The following DLG1 variants were observed in gnomAD, a reference collection of about 807,000 sequenced individuals.
The protein encoded by DLG1 is disks large homolog 1.
In DLG1, 42 loss-of-function variants were observed where a neutral mutation model predicts 123.4. The ratio of observed to expected loss-of-function variants is 0.34; its 90% CI spans 0.27 to 0.44. The LOEUF is 0.44. DLG1 is among the 20% of genes least tolerant of loss of function. The probability of loss-of-function intolerance (pLI) is 1.00; values close to 1 mark genes in which losing one functional copy is unlikely to be tolerated. For synonymous variants in DLG1, 317 were observed against 356.2 expected (o/e 0.89, Z 1.24); for missense variants, 942 against 1,082.6 (o/e 0.87, Z 1.82).
chr3:197,133,105 C>A, intron 10 of DLG1, among the ~76,000 whole-genome samples: 1 of 152,290 alleles, frequency 6.6e-6, no homozygotes, highest in Middle Eastern at 3.4e-3. Context: ...GGTATTCACA[C>A]CCTTGTAAAA....
chr3:197,104,871 G>A (rs545699715), intron 14 of DLG1, 32 bp downstream of exon 14: 3 of 1,404,184 alleles, frequency 2.1e-6, no homozygotes, highest in Non-Finnish European at 3.0e-6. Context: ...ACTAAAATAA[G>A]CAATAACTAT....
At chr3:197,094,749 T>C (rs1238329438) in intron 14 of DLG1, among the ~76,000 whole-genome samples, 1 of 152,220 alleles carries the variant, frequency 6.6e-6, no homozygotes, top group African/African-American at 2.4e-5. Flanking sequence ...ACACTATCAC[T>C]CTATTTGTTG....
chr3:197,278,065 A>G (rs562347536), intron 4 of DLG1, among the ~76,000 whole-genome samples: 2 of 152,038 alleles, frequency 1.3e-5, no homozygotes, highest in African/African-American at 4.8e-5. Flanking sequence ...CAGGTGGATC[A>G]CCTGAGGTCA....
At chr3:197,276,011 A>G (rs1347607019) in intron 4 of DLG1, among the ~76,000 whole-genome samples, 2 of 152,236 alleles carry the variant, frequency 1.3e-5, no homozygotes, top group Non-Finnish European at 1.5e-5. Flanking sequence ...ATAATTATTT[A>G]TCAATTTTAA....
chr3:197,244,064 G>C (rs1750345441), intron 4 of DLG1, among the ~76,000 whole-genome samples: 1 of 152,188 alleles, frequency 6.6e-6, no homozygotes, highest in Non-Finnish European at 1.5e-5. Flanking sequence ...GGATGAATAA[G>C]GGGAGACTGA....
intron 4 of DLG1, among the ~76,000 whole-genome samples, chr3:197,220,182 G>C (rs1578241522): frequency 6.6e-6 from 1 of 152,070 alleles, no homozygotes; most frequent in South Asian, 2.1e-4. Flanking sequence ...CTGAGAGAAT[G>C]AATCAATGAA....
At chr3:197,137,335 T>A (rs1785528322) in intron 9 of DLG1, among the ~76,000 whole-genome samples, 1 of 152,248 alleles carries the variant, frequency 6.6e-6, no homozygotes, top group Non-Finnish European at 1.5e-5. Context: ...CAGATGTAAC[T>A]GCTCATAATA....
intron 12 of DLG1, among the ~76,000 whole-genome samples, chr3:197,116,441 T>C (rs965247712): frequency 6.6e-6 from 1 of 152,138 alleles, no homozygotes; most frequent in Non-Finnish European, 1.5e-5. Flanking sequence ...TGCCCCTACT[T>C]AGAAGTTTAA....
chr3:197,154,622 C>T (rs1795509988), intron 5 of DLG1, among the ~76,000 whole-genome samples: 1 of 151,986 alleles, frequency 6.6e-6, no homozygotes, highest in Admixed American at 6.6e-5. Context: ...TTGCAGTCAG[C>T]CGAGATGGCA....
chr3:197,247,046 GTTAT>G (rs1752071079), intron 4 of DLG1, among the ~76,000 whole-genome samples: 2 of 152,194 alleles, frequency 1.3e-5, no homozygotes, highest in Admixed American at 6.5e-5. Flanking sequence ...TCCCATAGGG[GTTAT>G]TTAATAATGA....
chr3:197,185,426 ACAGAGATTATAC>A (rs1268502151), intron 5 of DLG1, among the ~76,000 whole-genome samples: 1 of 152,218 alleles, frequency 6.6e-6, no homozygotes, highest in African/African-American at 2.4e-5. Context: ...ATATTTTGTG[ACAGAGATTATAC>A]CAGAAAGTTT....
rs769502806 is a variant in DLG1, at chr3:197,090,942, C to T, written c.1631G>A (p.Arg544Gln). 39 of 1,610,496 alleles carry T rather than the reference C, an allele frequency of 2.4e-5. No homozygotes were observed. The highest frequency in any genetic ancestry group is 8.3e-5 in the Admixed American group (5 of 59,974). ...ATAGAGGGATCGCTTCTGGCTAGTT[C>T]GAAGAGAACCTGACCCTGAACTAAT... ...SSISSGSGSL[R>Q]TSQKRSLYVR... Residue 544 changes from arginine (R) to glutamine (Q), a missense_variant, in exon 15 of 25, where the codon CGA becomes CAA. Coordinates refer to ENST00000667157, the MANE Select transcript of DLG1 (RefSeq NM_001366207.1).
rs372542445 is a variant in DLG1, at chr3:197,103,719, T to G, written c.1546+1184A>C. ...CCAAGCAATGCTCAACATGCTGCTT[T>G]GATCAGCTAAAAAACATACTAGATT... On this transcript the variant is annotated intron_variant, in intron 14 of 24. Transcript: ENST00000667157. Among the ~76,000 whole-genome samples, 19 of 150,424 alleles carry G rather than the reference T, an allele frequency of 1.3e-4. No individual in the cohort carries two copies. In the East Asian group the frequency reaches 2.5e-3, roughly 20 times the overall value.
At chr3:197,206,311 T>C (rs1728501646) in intron 4 of DLG1, among the ~76,000 whole-genome samples, 1 of 152,238 alleles carries the variant, frequency 6.6e-6, no homozygotes, top group Admixed American at 6.5e-5. Context: ...TATTTTCTTT[T>C]TCTTTTGAGA....
At chr3:197,102,446 T>C (rs969987592) in intron 14 of DLG1, among the ~76,000 whole-genome samples, 3 of 152,230 alleles carry the variant, frequency 2.0e-5, no homozygotes, top group Admixed American at 6.5e-5. Context: ...GAGTGTCGGA[T>C]GACTCCTTTT....
intron 4 of DLG1, among the ~76,000 whole-genome samples, chr3:197,271,139 G>A (rs1237532978): frequency 1.3e-5 from 2 of 152,020 alleles, no homozygotes; most frequent in African/African-American, 4.8e-5. Context: ...CTTTCATCCT[G>A]AGCAGCCCCA....
At chr3:197,111,017 T>C (rs977422180) in intron 13 of DLG1, among the ~76,000 whole-genome samples, 13 of 152,332 alleles carry the variant, frequency 8.5e-5, no homozygotes, top group African/African-American at 2.6e-4. Flanking sequence ...TTCAAAGGCC[T>C]TATGGAGAAT....
intron 6 of DLG1, 59 bp from the exon 7 acceptor site, chr3:197,142,827 G>A (rs1276966556): frequency 7.1e-7 from 1 of 1,415,286 alleles, no homozygotes; most frequent in Non-Finnish European, 9.8e-7. Flanking sequence ...AAAATGGCAA[G>A]GCAAAATTTT....
chr3:197,118,720 T>C (rs1040344975), intron 12 of DLG1, among the ~76,000 whole-genome samples: 1 of 152,226 alleles, frequency 6.6e-6, no homozygotes, highest in Non-Finnish European at 1.5e-5. Flanking sequence ...CCAATTTTTT[T>C]CTACCTCATT....
Sources: allele counts gnomAD v4.1 joint callset (sites outside exome capture counted in the v4.1 genomes callset), GRCh38; gene constraint gnomAD v4.1.1; transcripts MANE v1.5; gene names NCBI Gene and HGNC (gene_info 2026-07-23, HGNC 2026-07-21).